JAKMIP1: variants seen among roughly 807,000 people sequenced by gnomAD.
JAKMIP1 encodes the protein janus kinase and microtubule interacting protein 1.
In JAKMIP1, 33 loss-of-function variants were observed where a neutral mutation model predicts 113.0. The observed-to-expected ratio is 0.29, with a 90% CI of 0.22 to 0.39. JAKMIP1 has a LOEUF of 0.39. Among genes scored for constraint, JAKMIP1 ranks in the 10% least tolerant of loss-of-function variants. The pLI is 1.00. For missense variants in JAKMIP1, 813 were observed against 1,080.5 expected (o/e 0.75, Z 3.47); for synonymous variants, 480 against 459.9 (o/e 1.04, Z -0.56).
chr4:6,112,264 C>A (rs1167498471), intron 2 of JAKMIP1, among the ~76,000 whole-genome samples: 1 of 152,142 alleles, frequency 6.6e-6, no homozygotes, highest in East Asian at 1.9e-4. Context: ...CACAGGTGAC[C>A]CATGGATCAA....
rs1721802561 is a variant in JAKMIP1, at chr4:6,153,065, AC to A, written c.-147-40069del. On this transcript the variant is annotated intron_variant, in intron 1 of 20. Coordinates refer to ENST00000409021, the MANE Select transcript of JAKMIP1 (RefSeq NM_001099433.2). The surrounding 1 kb of genome is among the most constrained non-coding windows in gnomAD (Gnocchi z 4.9). ...CCTGAGCTCAGTCTGTTTTTCTGTG[AC>A]CAGCCCCACCCATGCACATCCCCCT... Among the ~76,000 whole-genome samples the A allele has an allele frequency of 6.6e-6, 1 of 152,032 alleles. No homozygotes were observed. Among genetic ancestry groups the A allele is most frequent in the African/African-American group, 2.4e-5 (1 of 41,384 alleles).
chr4:6,147,907 A>G (rs552976590), intron 1 of JAKMIP1, among the ~76,000 whole-genome samples: 17 of 152,346 alleles, frequency 1.1e-4, no homozygotes, highest in African/African-American at 4.1e-4. Flanking sequence ...ATATTCATTG[A>G]GCCTCCCCTC....
At chr4:6,113,061 C>A in intron 1 of JAKMIP1, 64 bp from the exon 2 acceptor site, 1 of 728,008 alleles carries the variant, frequency 1.4e-6, no homozygotes, top group Non-Finnish European at 2.1e-6. Context: ...GTCCCTGCCT[C>A]GGGCACCCTG....
chr4:6,175,876 G>T (rs1725288003), intron 1 of JAKMIP1, among the ~76,000 whole-genome samples: 1 of 152,210 alleles, frequency 6.6e-6, no homozygotes, highest in African/African-American at 2.4e-5. Context: ...GACCCATCAA[G>T]GCCCTTGTCC....
chr4:6,135,029 T>C lies in JAKMIP1; in HGVS notation c.-147-22032A>G, dbSNP rs1004571213. 1.3e-5 allele frequency among the ~76,000 whole-genome samples: 2 copies of C among 151,996 alleles called. No individual in the cohort carries two copies. Among genetic ancestry groups the C allele is most frequent in the African/African-American group, 2.4e-5 (1 of 41,364 alleles). On this transcript the variant is annotated intron_variant, in intron 1 of 20. Coordinates refer to ENST00000409021, the MANE Select transcript of JAKMIP1 (RefSeq NM_001099433.2). The surrounding 1 kb of genome is among the most constrained non-coding windows in gnomAD (Gnocchi z 4.9). ...GCCCTGGACATGTAGAGATGGCAGG[T>C]GTAGGGCTCGTGTATCTCTGGTCTG...
intron 1 of JAKMIP1, among the ~76,000 whole-genome samples, chr4:6,124,849 A>AAGATC (rs1426739636): frequency 6.6e-6 from 1 of 152,254 alleles, no homozygotes; most frequent in African/African-American, 2.4e-5. Flanking sequence ...CTCTGCAAGC[A>AAGATC]AGATCGGGTG....
In JAKMIP1 at chr4:6,193,736, C is replaced by T. The variant is rs1035834283; in HGVS notation, c.-148+6517G>A. Among the ~76,000 whole-genome samples the T allele has an allele frequency of 4.6e-5, 7 of 152,114 alleles. No homozygotes were observed. Among genetic ancestry groups the T allele is most frequent in the Admixed American group, 2.0e-4 (3 of 15,272 alleles). On this transcript the variant is annotated intron_variant, in intron 1 of 20. Transcript: ENST00000409021. The surrounding 1 kb of genome is among the most constrained non-coding windows in gnomAD (Gnocchi z 6.4). ...AAGTCAAGGCTGGGAGCCCCCAGCA[C>T]GATGCTGATCATGGGAGGCTGAACT... is the stretch of plus-strand genomic sequence containing the variant.
At chr4:6,098,981 A>C (rs1013491047) in intron 3 of JAKMIP1, among the ~76,000 whole-genome samples, 11 of 152,174 alleles carry the variant, frequency 7.2e-5, no homozygotes, top group Non-Finnish European at 1.6e-4. Flanking sequence ...ACGGCTGGGA[A>C]ATTCATTCAT....
In JAKMIP1 at chr4:6,176,322, A is replaced by G. The variant is rs1374151044; in HGVS notation, c.-148+23931T>C. Among the ~76,000 whole-genome samples, 1 of 152,198 alleles carries G rather than the reference A, an allele frequency of 6.6e-6. No individual in the cohort carries two copies. Among genetic ancestry groups the G allele is most frequent in the Non-Finnish European group, 1.5e-5 (1 of 68,030 alleles). ...GCCCCTGAAGGCAGAGACAGTGTTT[A>G]GGCTGTGTCCTGGTCTGGTGGGGTA... On this transcript the variant is annotated intron_variant, in intron 1 of 20. Coordinates refer to ENST00000409021, the MANE Select transcript of JAKMIP1 (RefSeq NM_001099433.2). The surrounding 1 kb of genome is among the most constrained non-coding windows in gnomAD (Gnocchi z 5.5).
In JAKMIP1 at chr4:6,140,412, G is replaced by A. The variant is rs1432833461; in HGVS notation, c.-147-27415C>T. 6.6e-6 allele frequency among the ~76,000 whole-genome samples: 1 copy of A among 151,984 alleles called. No individual in the cohort carries two copies. Among genetic ancestry groups the A allele is most frequent in the Non-Finnish European group, 1.5e-5 (1 of 68,018 alleles). On this transcript the variant is annotated intron_variant, in intron 1 of 20. Coordinates refer to ENST00000409021, the MANE Select transcript of JAKMIP1 (RefSeq NM_001099433.2). This position sits in a 1 kb window ranked among gnomAD's most constrained non-coding sequence, Gnocchi z 9.4. ...AGCACTGTCCCTGTTCCCCCAAAAGGCCCACCACAGACCCACCCCAGGAGT... is the reference window on the plus strand; with the variant it reads ...AGCACTGTCCCTGTTCCCCCAAAAGACCCACCACAGACCCACCCCAGGAGT...
In JAKMIP1 at chr4:6,150,841, A is replaced by G. The variant is rs796716592; in HGVS notation, c.-147-37844T>C. On this transcript the variant is annotated intron_variant, in intron 1 of 20. Transcript: ENST00000409021. This position sits in a 1 kb window ranked among gnomAD's most constrained non-coding sequence, Gnocchi z 4.8. ...CTTCAAGCTCCTCCACTTGAGCAAG[A>G]CAGTAATAATGTCTGCCACCGGAAG... Among the ~76,000 whole-genome samples the G allele has an allele frequency of 7.2e-5, 11 of 152,326 alleles. No individual in the cohort carries two copies. The highest frequency in any genetic ancestry group is 2.4e-4 in the African/African-American group (10 of 41,562).
Position 6,184,639 on chromosome 4 carries a change from G to A in JAKMIP1, c.-148+15614C>T, listed in dbSNP as rs1245773487. On this transcript the variant is annotated intron_variant, in intron 1 of 20. Coordinates refer to ENST00000409021, the MANE Select transcript of JAKMIP1 (RefSeq NM_001099433.2). This position sits in a 1 kb window ranked among gnomAD's most constrained non-coding sequence, Gnocchi z 4.5. Reference sequence around the variant, plus strand: ...CCGCGCTCACCTGTAGATTCAGCAAGAGAGCAGGGGTGATTGTGCCTATCG... The same window carrying A: ...CCGCGCTCACCTGTAGATTCAGCAAAAGAGCAGGGGTGATTGTGCCTATCG... 1.3e-5 allele frequency among the ~76,000 whole-genome samples: 2 copies of A among 152,232 alleles called. No individual in the cohort carries two copies. The highest frequency in any genetic ancestry group is 2.9e-5 in the Non-Finnish European group (2 of 68,048).
At chr4:6,121,395 T>C (rs1257880378) in intron 1 of JAKMIP1, among the ~76,000 whole-genome samples, 1 of 152,144 alleles carries the variant, frequency 6.6e-6, no homozygotes, top group Admixed American at 6.6e-5. Flanking sequence ...AACGTGACTG[T>C]TTGGAGACCA....
chr4:6,062,285 T>A (rs1294852487), intron 10 of JAKMIP1, 27 bp downstream of exon 10: 30 of 1,611,138 alleles, frequency 1.9e-5, no homozygotes, highest in Non-Finnish European at 2.5e-5. Context: ...GGCCCCTCCC[T>A]CGAGCCCTGA....
chr4:6,109,800 T>G (rs1185653563), intron 2 of JAKMIP1, among the ~76,000 whole-genome samples: 1 of 152,152 alleles, frequency 6.6e-6, no homozygotes, highest in Admixed American at 6.5e-5. Flanking sequence ...TGTGAGATCA[T>G]ATCAAAGTAA....
At chr4:6,196,125 C>A (rs1727800863) in intron 1 of JAKMIP1, among the ~76,000 whole-genome samples, 1 of 152,208 alleles carries the variant, frequency 6.6e-6, no homozygotes, top group Admixed American at 6.5e-5. Context: ...GGGGAGCTGC[C>A]CCTCCCACAC....
In JAKMIP1 at chr4:6,167,829, A is replaced by G. The variant is rs890421757; in HGVS notation, c.-148+32424T>C. On this transcript the variant is annotated intron_variant, in intron 1 of 20. Coordinates refer to ENST00000409021, the MANE Select transcript of JAKMIP1 (RefSeq NM_001099433.2). The surrounding 1 kb of genome is among the most constrained non-coding windows in gnomAD (Gnocchi z 5.3). Reference sequence around the variant, plus strand: ...CATCTCAACTTGAAAATTAAAAGACATCTGAGTGCACTGAATGCTTCGGTT... The same window carrying G: ...CATCTCAACTTGAAAATTAAAAGACGTCTGAGTGCACTGAATGCTTCGGTT... Among the ~76,000 whole-genome samples the G allele has an allele frequency of 6.6e-6, 1 of 152,250 alleles. No individual in the cohort carries two copies. Among genetic ancestry groups the G allele is most frequent in the Non-Finnish European group, 1.5e-5 (1 of 68,046 alleles).
rs1252585885 is a variant in JAKMIP1, at chr4:6,184,186, C to A, written c.-148+16067G>T. Among the ~76,000 whole-genome samples the A allele has an allele frequency of 6.6e-6, 1 of 152,146 alleles. No homozygotes were observed. ...AGACTTCATTTTGCAGATGGGAAAA[C>A]AAACCCAAAGAGAGGTGAGTGTATC... On this transcript the variant is annotated intron_variant, in intron 1 of 20. Coordinates refer to ENST00000409021, the MANE Select transcript of JAKMIP1 (RefSeq NM_001099433.2). This position sits in a 1 kb window ranked among gnomAD's most constrained non-coding sequence, Gnocchi z 4.5.
At position 6,106,143 on chromosome 4, in the gene JAKMIP1, G is replaced by GC. The variant is rs981827287; in HGVS notation, c.130-177dup. Among the ~76,000 whole-genome samples, 4 of 152,178 alleles carry GC rather than the reference G, an allele frequency of 2.6e-5. No homozygotes were observed. The highest frequency in any genetic ancestry group is 9.6e-5 in the African/African-American group (4 of 41,452). ...CCCTGCAGGCCTGACCCTCCTGCCA[G>GC]CCCCACTTAGAATCTCTCCTGCTAG... On this transcript the variant is annotated intron_variant, in intron 2 of 20. Coordinates refer to ENST00000409021, the MANE Select transcript of JAKMIP1 (RefSeq NM_001099433.2). This position sits in a 1 kb window ranked among gnomAD's most constrained non-coding sequence, Gnocchi z 5.9.
Sources: gnomAD v4.1 joint callset for allele counts (sites outside exome capture counted in the v4.1 genomes callset) on GRCh38, gnomAD v4.1.1 for gene constraint, Gnocchi (gnomAD v3.1) non-coding constraint, MANE v1.5 for transcripts, NCBI Gene and HGNC (gene_info 2026-07-23, HGNC 2026-07-21) for gene names.